Variants in OCIAD2 observed in about 807,000 individuals in gnomAD.
OCIAD2 encodes OCIA domain-containing protein 2.
OCIAD2 carries 29 observed loss-of-function variants against 22.9 expected under a neutral mutation model. The observed-to-expected ratio is 1.27, with a 90% CI of 0.94 to 1.73. OCIAD2 has a LOEUF of 1.73. OCIAD2 is among the 40% of genes most tolerant of loss of function. The pLI, the probability that OCIAD2 is intolerant of heterozygous loss-of-function variation, is 0.00. For synonymous variants in OCIAD2, 67 were observed against 60.2 expected (o/e 1.11, Z -0.52); for missense variants, 189 against 180.3 (o/e 1.05, Z -0.28).
intron 4 of OCIAD2, among the ~76,000 whole-genome samples, chr4:48,895,906 C>T (rs974207194): frequency 6.6e-6 from 1 of 152,036 alleles, no homozygotes; most frequent in Admixed American, 6.5e-5. Flanking sequence ...GTAGCACAGG[C>T]CTGCAATCCC....
Position 48,885,423 on chromosome 4 carries a change from A to G in OCIAD2, c.*61T>C. The G allele has an allele frequency of 1.1e-6, 1 of 889,056 alleles. No homozygotes were observed. Among genetic ancestry groups the G allele is most frequent in the Non-Finnish European group, 1.9e-6 (1 of 531,718 alleles). 55.1% of individuals were successfully genotyped at this position (889,056 alleles called of 1,614,324 possible). A position where few individuals can be genotyped will look rare whatever the true frequency, so the allele number is the denominator to read the frequency against. On this transcript the variant is annotated 3_prime_UTR_variant, in exon 7 of 7. Transcript: ENST00000508632. ...AGTATTTTATTTTAAAGTACACTTG[A>G]AATTTTAAATGTGTACAAATTCAGA...
chr4:48,901,309 A>C (rs1195952847), intron 2 of OCIAD2, among the ~76,000 whole-genome samples: 1 of 152,028 alleles, frequency 6.6e-6, no homozygotes, highest in Non-Finnish European at 1.5e-5. Context: ...AACATTTTTC[A>C]GACATGAAAC....
rs1174746474 is a variant in OCIAD2 at position 48,885,399 on chromosome 4, GTATTT to G, written c.*80_*84del. The G allele has an allele frequency of 1.3e-5, 10 of 781,854 alleles. No individual in the cohort carries two copies. Among genetic ancestry groups the G allele is most frequent in the African/African-American group, 6.9e-5 (4 of 57,864 alleles). 48.4% of individuals were successfully genotyped at this position (781,854 alleles called of 1,614,324 possible). A position where few individuals can be genotyped will look rare whatever the true frequency, so the allele number is the denominator to read the frequency against. ...ACACAATGTTTTTGTTCCATTAGAA[GTATTT>G]TATTTTAAAGTACACTTGAAATTTT... On this transcript the variant is annotated 3_prime_UTR_variant, in exon 7 of 7. Transcript: ENST00000508632.
intron 4 of OCIAD2, among the ~76,000 whole-genome samples, 177 bp from the exon 5 acceptor site, chr4:48,894,230 C>G (rs879580607): frequency 6.6e-6 from 1 of 152,098 alleles, no homozygotes; most frequent in African/African-American, 2.4e-5. Flanking sequence ...CAGTCACTTA[C>G]GCCTGTAATC....
intron 2 of OCIAD2, among the ~76,000 whole-genome samples, chr4:48,902,074 GT>G (rs886064723): frequency 1.2e-4 from 18 of 149,974 alleles, no homozygotes; most frequent in African/African-American, 2.7e-4. Context: ...GCCCCATTAA[GT>G]TTTTTTTTTA....
chr4:48,895,148 CAGA>C (rs1781276030), intron 4 of OCIAD2, among the ~76,000 whole-genome samples: 1 of 152,182 alleles, frequency 6.6e-6, no homozygotes, highest in Non-Finnish European at 1.5e-5. Flanking sequence ...CAAGAGCCTC[CAGA>C]AGAACACAGC....
At chr4:48,905,191 T>C (rs1300643830) in intron 1 of OCIAD2, among the ~76,000 whole-genome samples, 1 of 151,758 alleles carries the variant, frequency 6.6e-6, no homozygotes, top group Admixed American at 6.6e-5. Context: ...TAAATTTGGG[T>C]TTGGAAATGT....
chr4:48,897,834 T>C lies in OCIAD2; in HGVS notation c.187A>G (p.Met63Val), dbSNP rs749756900. The change falls in exon 4 of 7, where the codon ATG (methionine) becomes GTG (valine). Residue 63 changes from methionine to valine, a missense_variant. Coordinates refer to ENST00000508632, the MANE Select transcript of OCIAD2 (RefSeq NM_001014446.3). Reference sequence around the variant, plus strand: ...TAGACTAGTCCCTGGGTGACAAGCATGCTTACAAGAGAAAAAGGCAGAGCT... The same window carrying C: ...TAGACTAGTCCCTGGGTGACAAGCACGCTTACAAGAGAAAAAGGCAGAGCT... ...KRALPFSLVSMLVTQGLVYQG... is the reference protein window; with the variant it reads ...KRALPFSLVSVLVTQGLVYQG... The C allele has an allele frequency of 8.1e-6, 13 of 1,612,826 alleles. No homozygotes were observed. The highest frequency in any genetic ancestry group is 2.2e-5 in the South Asian group (2 of 90,972).
intron 4 of OCIAD2, among the ~76,000 whole-genome samples, chr4:48,895,468 G>C (rs1781284165): frequency 6.6e-6 from 1 of 152,200 alleles, no homozygotes; most frequent in Non-Finnish European, 1.5e-5. Flanking sequence ...CTGGCATGTA[G>C]TGAGGGTTAT....
intron 4 of OCIAD2, among the ~76,000 whole-genome samples, chr4:48,896,525 T>G (rs1453375233): frequency 1.3e-5 from 2 of 151,996 alleles, no homozygotes; most frequent in Non-Finnish European, 2.9e-5. Context: ...CCCAGGAGGT[T>G]GAGACTGCAG....
chr4:48,902,340 A>G (rs940337548), intron 2 of OCIAD2, among the ~76,000 whole-genome samples: 4 of 152,174 alleles, frequency 2.6e-5, no homozygotes, highest in African/African-American at 4.8e-5. Context: ...TCCTGTGCCA[A>G]GCACTTTACA....
chr4:48,893,817 A>G (rs1352191892), intron 5 of OCIAD2, 189 bp downstream of exon 5: 3 of 332,976 alleles, frequency 9.0e-6, no homozygotes, highest in Non-Finnish European at 1.1e-5. Flanking sequence ...GTTGCTAGTA[A>G]TGTCTTTTTT....
rs1469073437 is a variant in OCIAD2, at chr4:48,885,459, A to G, written c.*25T>C. On this transcript the variant is annotated 3_prime_UTR_variant, in exon 7 of 7. Coordinates refer to ENST00000508632, the MANE Select transcript of OCIAD2 (RefSeq NM_001014446.3). ...GTGTACAAATTCAGAGGTTTAAAAA[A>G]CTTCGAAAGTCACAGACACAGAATT... 1.5e-6 allele frequency: 2 copies of G among 1,374,468 alleles called. No individual in the cohort carries two copies. Among genetic ancestry groups the G allele is most frequent in the Admixed American group, 1.8e-5 (1 of 57,084 alleles). 85.1% of individuals were successfully genotyped at this position (1,374,468 alleles called of 1,614,324 possible). A position where few individuals can be genotyped will look rare whatever the true frequency, so the allele number is the denominator to read the frequency against.
At chr4:48,891,575 A>T (rs1053693345) in intron 6 of OCIAD2, among the ~76,000 whole-genome samples, 3 of 152,194 alleles carry the variant, frequency 2.0e-5, no homozygotes, top group Non-Finnish European at 4.4e-5. Flanking sequence ...GTTCATAATT[A>T]TTCTGGAATC....
intron 6 of OCIAD2, among the ~76,000 whole-genome samples, chr4:48,890,606 C>T (rs1350508178): frequency 6.6e-6 from 1 of 151,960 alleles, no homozygotes; most frequent in African/African-American, 2.4e-5. Flanking sequence ...CTTAGGATAC[C>T]AAGGAAAATG....
At chr4:48,893,663 TG>T in intron 5 of OCIAD2, 1 of 167,634 alleles carries the variant, frequency 6.0e-6, no homozygotes, top group Non-Finnish European at 1.3e-5. Flanking sequence ...GCTTTAAGGA[TG>T]GTCTAAGAAG....
intron 6 of OCIAD2, among the ~76,000 whole-genome samples, chr4:48,890,130 T>C (rs1266698905): frequency 6.9e-6 from 1 of 145,386 alleles, no homozygotes; most frequent in Non-Finnish European, 1.5e-5. Context: ...GGGGAAGAGA[T>C]AGCATTAGGA....
chr4:48,894,076 A>G (rs567558127), intron 4 of OCIAD2, 23 bp from the exon 5 acceptor site: 1 of 1,232,044 alleles, frequency 8.1e-7, no homozygotes, highest in East Asian at 2.6e-5. Context: ...AAAGAAAAAC[A>G]TTATTATTTC....
Position 48,904,525 on chromosome 4 carries a change from T to C in OCIAD2, c.25A>G (p.Asn9Asp). The C allele has an allele frequency of 6.2e-7, 1 of 1,614,152 alleles. No individual in the cohort carries two copies. Among genetic ancestry groups the C allele is most frequent in the Non-Finnish European group, 8.5e-7 (1 of 1,180,028 alleles). ...GGAAAATGGGCATCTTTATCTTGGT[T>C]TCCACGAGCAGACGCTGAAGCCATG... MASASARG[N>D]QDKDAHFPPP... is the part of the protein sequence containing the mutation. The change falls in exon 2 of 7, where the codon AAC becomes GAC. Residue 9 changes from asparagine to aspartate, a missense_variant. Physicochemically the swap from Asn to Asp is conservative, Grantham distance 23 (BLOSUM62 1). Coordinates refer to ENST00000508632, the MANE Select transcript of OCIAD2 (RefSeq NM_001014446.3).
Sources: gnomAD v4.1 joint callset for allele counts (sites outside exome capture counted in the v4.1 genomes callset) on GRCh38, gnomAD v4.1.1 for gene constraint, MANE v1.5 for transcripts, NCBI Gene and HGNC (gene_info 2026-07-23, HGNC 2026-07-21) for gene names.